The following MYH3 variants were observed in gnomAD, a reference collection of about 807,000 sequenced individuals.
MYH3 encodes the protein myosin heavy chain 3.
In MYH3, 130 loss-of-function variants were observed where a neutral mutation model predicts 238.0. That is an observed-to-expected ratio of 0.55 (90% CI 0.47 to 0.63). The LOEUF is 0.63. MYH3 is among the 30% of genes least tolerant of loss of function. MYH3 has a pLI of 0.00. For missense variants in MYH3, 1,853 were observed against 2,374.9 expected (o/e 0.78, Z 4.57); for synonymous variants, 880 against 924.1 (o/e 0.95, Z 0.86).
chr17:10,635,927 C>T lies in MYH3; in HGVS notation c.3857-74G>A. On this transcript the variant is annotated intron_variant, in intron 28 of 40. Transcript: ENST00000583535. ...CACCAACTTTCTATTATGTGTAGGG[C>T]ACTGTGCTAAGATCTGGGGAGACAG... is the stretch of plus-strand genomic sequence containing the variant. The T allele has an allele frequency of 2.4e-6, 3 of 1,245,166 alleles. No individual in the cohort carries two copies. In the South Asian group the frequency reaches 3.6e-5, roughly 15 times the overall value. 77.1% of individuals were successfully genotyped at this position (1,245,166 alleles called of 1,614,324 possible). A position where few individuals can be genotyped will look rare whatever the true frequency, so the allele number is the denominator to read the frequency against.
intron 29 of MYH3, 31 bp downstream of exon 29, chr17:10,635,704 A>G: frequency 6.2e-7 from 1 of 1,612,440 alleles, no homozygotes; most frequent in Non-Finnish European, 8.5e-7. Flanking sequence ...TTTAAAAATA[A>G]GGGCAAAGAA....
At chr17:10,664,051 A>T in the MYH3 span, among the ~76,000 whole-genome samples, 45 of 129,944 alleles carry the variant, frequency 3.5e-4, no homozygotes, top group African/African-American at 1.3e-3. Context: ...TGACAGAGTG[A>T]GACTCCGTCT....
At chr17:10,634,803 A>G (rs2074197597) in intron 31 of MYH3, 37 bp downstream of exon 31, 1 of 1,612,542 alleles carries the variant, frequency 6.2e-7, no homozygotes, top group African/African-American at 1.3e-5. Context: ...AATCCCTTAC[A>G]TCATGGCATT....
rs761794757 is a variant in MYH3 at position 10,642,225 on chromosome 17, T to G, written c.1959+15A>C. Reference sequence around the variant, plus strand: ...TTAAATCAATTATAAGCAAATAAACTTGTATTTTTCTTACCCTGAAAAGGG... The same window carrying G: ...TTAAATCAATTATAAGCAAATAAACGTGTATTTTTCTTACCCTGAAAAGGG... On this transcript the variant is annotated intron_variant, in intron 17 of 40. Transcript: ENST00000583535. The surrounding 1 kb of genome is among the most constrained non-coding windows in gnomAD (Gnocchi z 5.4). 2 of 1,609,134 alleles carry G rather than the reference T, an allele frequency of 1.2e-6. No homozygotes were observed. The highest frequency in any genetic ancestry group is 1.7e-6 in the Non-Finnish European group (2 of 1,175,898).
At chr17:10,632,857 C>A in intron 33 of MYH3, 73 bp from the exon 34 acceptor site, 1 of 1,471,620 alleles carries the variant, frequency 6.8e-7, no homozygotes, top group Non-Finnish European at 9.5e-7. Context: ...TGCAGGATAA[C>A]AAAACTTCAA....
chr17:10,644,739 A>G (rs771020043), intron 12 of MYH3, 37 bp from the exon 13 acceptor site: 1 of 1,488,188 alleles, frequency 6.7e-7, no homozygotes, highest in Non-Finnish European at 9.4e-7. Context: ...AGAAAAGTAG[A>G]AGAGCTGCTT....
chr17:10,633,513 C>T, intron 33 of MYH3, 78 bp downstream of exon 33: 1 of 1,594,076 alleles, frequency 6.3e-7, no homozygotes, highest in South Asian at 1.1e-5. Context: ...AATGGAGACA[C>T]AGCATGGAGC....
At chr17:10,655,513 C>G (rs993671261) in intron 2 of MYH3, among the ~76,000 whole-genome samples, 1 of 152,202 alleles carries the variant, frequency 6.6e-6, no homozygotes, top group African/African-American at 2.4e-5. Context: ...ATTTTTGAAC[C>G]ATTTCAATCA....
intron 33 of MYH3, among the ~76,000 whole-genome samples, 194 bp from the exon 34 acceptor site, chr17:10,632,978 G>A (rs917521090): frequency 2.0e-5 from 3 of 152,184 alleles, no homozygotes; most frequent in Admixed American, 6.5e-5. Flanking sequence ...TTGGGAGGCC[G>A]AGGGGGGCAG....
At chr17:10,652,087 G>C (rs1305799091) in intron 4 of MYH3, 1 of 413,890 alleles carries the variant, frequency 2.4e-6, no homozygotes, top group Admixed American at 3.5e-5. Context: ...TTATAAAGGG[G>C]GGAGGCTACC....
rs1567558990 is a variant in MYH3 at position 10,644,658 on chromosome 17, G to A, written c.1186C>T (p.Leu396Phe). Residue 396 changes from leucine to phenylalanine, a missense_variant, in exon 13 of 41, where the codon CTC (leucine) becomes TTC (phenylalanine). Around this residue, in one of 3 missense-constraint regions of MYH3, gnomAD observed 678 missense variants for 1,058.9 expected, o/e 0.64. Coordinates refer to ENST00000583535, the MANE Select transcript of MYH3 (RefSeq NM_002470.4). ...AYLMGLNSSD[L>F]LKALCFPRVK... ...CTAGGAAAGCACAAAGCTTTTAGGA[G>A]GTCCGAAGAGTTCAGGCCCATCAGA... The A allele has an allele frequency of 6.2e-7, 1 of 1,614,076 alleles. No individual in the cohort carries two copies. The highest frequency in any genetic ancestry group is 8.5e-7 in the Non-Finnish European group (1 of 1,180,038).
At chr17:10,671,728 G>A in the MYH3 span, among the ~76,000 whole-genome samples, 9 of 151,220 alleles carry the variant, frequency 6.0e-5, no homozygotes, top group South Asian at 4.2e-4. Context: ...TATAGGCACC[G>A]GCCACCACGC....
Position 10,648,666 on chromosome 17 carries a change from A to C in MYH3, c.643-17T>G, listed in dbSNP as rs1354267159. On this transcript the variant is annotated splice_polypyrimidine_tract_variant and intron_variant, in intron 7 of 40. Transcript: ENST00000583535. Reference sequence around the variant, plus strand: ...CAGAGTCCCCTAATGCAAGAAATTGAGGGAAGAAGAGGAAACATTTTTTTT... The same window carrying C: ...CAGAGTCCCCTAATGCAAGAAATTGCGGGAAGAAGAGGAAACATTTTTTTT... The C allele has an allele frequency of 1.5e-5, 23 of 1,581,030 alleles. No individual in the cohort carries two copies. The highest frequency in any genetic ancestry group is 2.0e-5 in the Non-Finnish European group (23 of 1,156,948).
Position 10,654,771 on chromosome 17 carries a change from G to GA in MYH3, c.204+89dup. The GA allele has an allele frequency of 8.4e-7, 1 of 1,193,914 alleles. No homozygotes were observed. The highest frequency in any genetic ancestry group is 1.3e-6 in the Non-Finnish European group (1 of 796,584). The allele number at this position is 1,193,914 out of a possible 1,614,324, so 74.0% of individuals were successfully genotyped here. ...CATTCCAGTGCTGGAACCACATCTG[G>GA]AAGTGGCTGGGGTTGGGCAGATGCA... On this transcript the variant is annotated intron_variant, in intron 3 of 40. Transcript: ENST00000583535. This position sits in a 1 kb window ranked among gnomAD's most constrained non-coding sequence, Gnocchi z 4.5.
upstream of MYH3, among the ~76,000 whole-genome samples, chr17:10,660,479 T>C (rs1007410861): frequency 1.4e-5 from 2 of 144,914 alleles, no homozygotes; most frequent in African/African-American, 2.6e-5. Context: ...ATCGATACCA[T>C]CCTGGCTAAC....
chr17:10,671,967 CTT>C, the MYH3 span, among the ~76,000 whole-genome samples: 24 of 152,200 alleles, frequency 1.6e-4, no homozygotes, highest in Admixed American at 4.6e-4. Flanking sequence ...GATAGTAACT[CTT>C]TGTTATATAT....
chr17:10,632,721 A>C lies in MYH3; in HGVS notation c.4711T>G (p.Ser1571Ala). The part of the protein sequence containing the change: ...RIQLELTQVK[S>A]EIDRKIAEKD... ...TCGGCGATCTTTCTATCAATTTCTG[A>C]TTTCACTTGTGTCAATTCAAGCTGG... Residue 1571 changes from serine to alanine, a missense_variant, in exon 34 of 41, where the codon TCA becomes GCA. Coordinates refer to ENST00000583535, the MANE Select transcript of MYH3 (RefSeq NM_002470.4). 6.2e-7 allele frequency: 1 copy of C among 1,614,012 alleles called. No individual in the cohort carries two copies. The highest frequency in any genetic ancestry group is 8.5e-7 in the Non-Finnish European group (1 of 1,180,008).
At chr17:10,647,094 G>C in intron 10 of MYH3, 88 bp downstream of exon 10, 1 of 960,232 alleles carries the variant, frequency 1.0e-6, no homozygotes. Flanking sequence ...GTTGACTGTA[G>C]AGTCACTCTA....
chr17:10,660,933 C>T (rs1302458841), upstream of MYH3, among the ~76,000 whole-genome samples: 5 of 151,302 alleles, frequency 3.3e-5, no homozygotes, highest in Non-Finnish European at 4.4e-5. Context: ...TGCAGTAAGC[C>T]GATATTGTGC....
Sources: allele counts gnomAD v4.1 joint callset (sites outside exome capture counted in the v4.1 genomes callset), GRCh38; gene constraint gnomAD v4.1.1; regional missense constraint gnomAD v4.1.1; non-coding constraint Gnocchi (gnomAD v3.1); transcripts MANE v1.5; gene names NCBI Gene and HGNC (gene_info 2026-07-23, HGNC 2026-07-21).